Variants in ADAM19 observed in about 807,000 individuals in gnomAD.
ADAM19 encodes disintegrin and metalloproteinase domain-containing protein 19.
Under a neutral mutation model 114.7 loss-of-function variants are expected in ADAM19, and 65 were observed. The observed-to-expected ratio is 0.57, with a 90% CI of 0.46 to 0.70. ADAM19 has a LOEUF of 0.70. ADAM19 is among the 30% of genes least tolerant of loss of function. The pLI is 0.00. For synonymous variants in ADAM19, 466 were observed against 460.5 expected (o/e 1.01, Z -0.15); for missense variants, 1,063 against 1,204.7 (o/e 0.88, Z 1.74).
intron 8 of ADAM19, 91 bp downstream of exon 8, chr5:157,513,343 T>A: frequency 7.7e-7 from 1 of 1,298,892 alleles, no homozygotes; most frequent in Non-Finnish European, 1.1e-6. Context: ...AGAAGATGGC[T>A]GGGGCAGCCA....
intron 3 of ADAM19, among the ~76,000 whole-genome samples, chr5:157,548,356 G>A (rs753173577): frequency 1.2e-4 from 19 of 152,066 alleles, no homozygotes; most frequent in East Asian, 3.9e-4. Flanking sequence ...TGATTCTCCC[G>A]GGAATAACCA....
At chr5:157,500,626 T>A (rs1749055079) in intron 12 of ADAM19, among the ~76,000 whole-genome samples, 1 of 152,140 alleles carries the variant, frequency 6.6e-6, no homozygotes. Context: ...TGGAACAACC[T>A]CTCCAAACAG....
Position 157,575,753 on chromosome 5 carries a change from T to C in ADAM19, c.-57A>G, listed in dbSNP as rs767995735. 215 of 1,190,344 alleles carry C rather than the reference T, an allele frequency of 1.8e-4. No individual in the cohort carries two copies. Among genetic ancestry groups the C allele is most frequent in the Non-Finnish European group, 2.1e-4 (199 of 945,314 alleles). 73.7% of individuals were successfully genotyped at this position (1,190,344 alleles called of 1,614,324 possible). Reference sequence around the variant, plus strand: ...CACGCCCTCAGCCATACCTGCCCACTGCCCGGCGGTGGAGGCGCGTCTGGA... The same window carrying C: ...CACGCCCTCAGCCATACCTGCCCACCGCCCGGCGGTGGAGGCGCGTCTGGA... On this transcript the variant is annotated 5_prime_UTR_variant, in exon 1 of 23. Coordinates refer to ENST00000257527, the MANE Select transcript of ADAM19 (RefSeq NM_033274.5).
intron 15 of ADAM19, 94 bp from the exon 16 acceptor site, chr5:157,493,271 G>T: frequency 1.4e-6 from 2 of 1,393,092 alleles, no homozygotes; most frequent in South Asian, 1.3e-5. Context: ...GATCAAGACA[G>T]CAGGCTTGCG....
intron 5 of ADAM19, among the ~76,000 whole-genome samples, chr5:157,522,784 T>A (rs911527694): frequency 6.6e-6 from 1 of 151,672 alleles, no homozygotes; most frequent in Non-Finnish European, 1.5e-5. Flanking sequence ...AGACTCCATC[T>A]CCAAAAGAAA....
At position 157,519,973 on chromosome 5, in the gene ADAM19, T is replaced by C. The variant is rs547498566; in HGVS notation, c.466A>G (p.Lys156Glu). Residue 156 changes from lysine (K) to glutamate (E), a missense_variant, in exon 6 of 23, where the codon AAG becomes GAG. By Grantham distance (56) the Lys-to-Glu change is moderately conservative. Around this residue, in one of 3 missense-constraint regions of ADAM19, gnomAD observed 615 missense variants for 706.3 expected, o/e 0.87. Coordinates refer to ENST00000257527, the MANE Select transcript of ADAM19 (RefSeq NM_033274.5). ...SYVIEPLPDS[K>E]GQHLIYRSEH... The stretch of plus-strand genomic sequence containing the variant: ...GATCTGTAAATAAGGTGTTGGCCCT[T>C]GCTGTCAGGGAGGGGCTCGATGACG... 7.4e-6 allele frequency: 12 copies of C among 1,614,020 alleles called. No homozygotes were observed. The highest frequency in any genetic ancestry group is 9.3e-6 in the Non-Finnish European group (11 of 1,180,026).
In ADAM19 at chr5:157,479,423, A is replaced by G; in HGVS notation, c.*1526T>C. 1.0e-6 allele frequency: 1 copy of G among 986,044 alleles called. No homozygotes were observed. The highest frequency in any genetic ancestry group is 1.2e-6 in the Non-Finnish European group (1 of 830,092). The allele number at this position is 986,044 out of a possible 1,614,324, so 61.1% of individuals were successfully genotyped here. ...TGGGAGGAGGCCCCAGGAAAGCCTC[A>G]GAGGAGTGAGAGTCAGGCCAGCTCC... On this transcript the variant is annotated 3_prime_UTR_variant, in exon 23 of 23. Coordinates refer to ENST00000257527, the MANE Select transcript of ADAM19 (RefSeq NM_033274.5).
Position 157,480,958 on chromosome 5 carries a change from C to T in ADAM19, c.2748G>A (p.Ser916=), listed in dbSNP as rs757943265. 1.2e-5 allele frequency: 19 copies of T among 1,613,992 alleles called. No individual in the cohort carries two copies. Among genetic ancestry groups the T allele is most frequent in the East Asian group, 2.2e-5 (1 of 44,886 alleles). The change falls in exon 23 of 23, where the codon TCG becomes TCA. Residue 916 remains serine, a synonymous_variant. Coordinates refer to ENST00000257527, the MANE Select transcript of ADAM19 (RefSeq NM_033274.5). ...AGCCCCTTGGACAGGTCTAGATTTT[C>T]GAGCTAATCATCCCTCCAGCCCTCT... ...RSQRAGGMIS[S]KI
At chr5:157,537,716 A>T (rs1581338179) in intron 4 of ADAM19, among the ~76,000 whole-genome samples, 197 bp downstream of exon 4, 2 of 152,350 alleles carry the variant, frequency 1.3e-5, no homozygotes, top group East Asian at 3.9e-4. Context: ...TTCTTTAGCC[A>T]TTGTAGTCAG....
intron 21 of ADAM19, among the ~76,000 whole-genome samples, chr5:157,486,790 C>G (rs903897402): frequency 2.0e-5 from 3 of 151,238 alleles, no homozygotes; most frequent in Admixed American, 2.0e-4. Flanking sequence ...GTGCACTCAT[C>G]ATTTAAAAAA....
intron 6 of ADAM19, 24 bp downstream of exon 6, chr5:157,519,815 T>G (rs777569046): frequency 2.9e-5 from 46 of 1,589,370 alleles, no homozygotes; most frequent in Non-Finnish European, 3.9e-5. Flanking sequence ...GGTTGATTTC[T>G]GCACTGAGAG....
At chr5:157,541,291 T>C (rs1756911808) in intron 3 of ADAM19, among the ~76,000 whole-genome samples, 1 of 152,204 alleles carries the variant, frequency 6.6e-6, no homozygotes, top group Non-Finnish European at 1.5e-5. Flanking sequence ...AAACGACTTG[T>C]GAGTGATGTG....
intron 7 of ADAM19, 31 bp from the exon 8 acceptor site, chr5:157,513,536 C>A: frequency 6.3e-7 from 1 of 1,587,750 alleles, no homozygotes; most frequent in Non-Finnish European, 8.7e-7. Flanking sequence ...CATGTGAGAT[C>A]CCAGAACCTC....
intron 21 of ADAM19, among the ~76,000 whole-genome samples, chr5:157,487,662 T>TGG (rs5872511): frequency 6.6e-6 from 1 of 151,876 alleles, no homozygotes; most frequent in African/African-American, 2.4e-5. Context: ...GCACCAGGGC[T>TGG]GGTGGGGGAG....
At chr5:157,512,159 G>T (rs1755941326) in intron 8 of ADAM19, among the ~76,000 whole-genome samples, 1 of 152,198 alleles carries the variant, frequency 6.6e-6, no homozygotes, top group Non-Finnish European at 1.5e-5. Flanking sequence ...GGACTGGACT[G>T]TGTCCCTAGA....
intron 12 of ADAM19, among the ~76,000 whole-genome samples, chr5:157,500,535 T>C (rs1028587834): frequency 6.6e-6 from 1 of 152,142 alleles, no homozygotes; most frequent in African/African-American, 2.4e-5. Flanking sequence ...AGACACCCTG[T>C]CTTTCATGGG....
chr5:157,486,009 G>A (rs922327994), intron 21 of ADAM19, among the ~76,000 whole-genome samples: 2 of 152,158 alleles, frequency 1.3e-5, no homozygotes, highest in Non-Finnish European at 2.9e-5. Flanking sequence ...TGCATAAGCC[G>A]GTTTAGAATA....
intron 10 of ADAM19, among the ~76,000 whole-genome samples, chr5:157,506,248 C>T (rs912269276): frequency 2.0e-5 from 3 of 152,152 alleles, no homozygotes; most frequent in Non-Finnish European, 2.9e-5. Flanking sequence ...CCAGGCACAG[C>T]ACTTGGTGTA....
At chr5:157,548,872 A>C (rs1487503350) in intron 3 of ADAM19, among the ~76,000 whole-genome samples, 1 of 152,206 alleles carries the variant, frequency 6.6e-6, no homozygotes. Context: ...GAGTTTAATC[A>C]CATCCTCGGA....
Sources: allele counts gnomAD v4.1 joint callset (sites outside exome capture counted in the v4.1 genomes callset), GRCh38; gene constraint gnomAD v4.1.1; regional missense constraint gnomAD v4.1.1; transcripts MANE v1.5; gene names NCBI Gene and HGNC (gene_info 2026-07-23, HGNC 2026-07-21).